The following EIF2D variants were observed in gnomAD, a reference collection of about 807,000 sequenced individuals.
EIF2D encodes the protein eukaryotic translation initiation factor 2D, also known as hepatocellular carcinoma-associated antigen 56.
Under a neutral mutation model 77.4 loss-of-function variants are expected in EIF2D, and 56 were observed. The ratio of observed to expected loss-of-function variants is 0.72; its 90% confidence interval spans 0.58 to 0.90. EIF2D has a LOEUF of 0.90. EIF2D is among the 40% of genes least tolerant of loss of function. The pLI, the probability that EIF2D is intolerant of heterozygous loss-of-function variation, is 0.00. For missense variants in EIF2D, 574 were observed against 706.5 expected (o/e 0.81, Z 2.13); for synonymous variants, 230 against 271.0 (o/e 0.85, Z 1.49).
chr1:206,596,969 T>C (rs1427669189), intron 12 of EIF2D, 131 bp downstream of exon 12: 3 of 683,402 alleles, frequency 4.4e-6, no homozygotes, highest in South Asian at 1.9e-5. Context: ...CCTGTGTTTA[T>C]GTAGACTGAC....
chr1:206,588,759 T>G (rs1483752288), downstream of EIF2D: 1 of 152,784 alleles, frequency 6.5e-6, no homozygotes, highest in African/African-American at 2.4e-5. Flanking sequence ...AGCCATCTCA[T>G]GCTCAGCCTT....
At chr1:206,570,128 G>A (rs924401968), downstream of EIF2D, among the ~76,000 whole-genome samples, 11 of 129,872 alleles carry the variant, frequency 8.5e-5, no homozygotes, top group Admixed American at 3.6e-4. Flanking sequence ...TCTCAAATCT[G>A]TCACCCAGGC....
chr1:206,603,086 G>A lies in EIF2D; in HGVS notation c.649C>T (p.His217Tyr), dbSNP rs1670008908. 1.2e-6 allele frequency: 2 copies of A among 1,614,050 alleles called. No homozygotes were observed. Among genetic ancestry groups the A allele is most frequent in the African/African-American group, 1.3e-5 (1 of 74,908 alleles). The change falls in exon 6 of 15, where the codon CAC becomes TAC. Residue 217 changes from histidine (H) to tyrosine (Y), a missense_variant. Physicochemically the swap from His to Tyr is moderately conservative, Grantham distance 83. Transcript: ENST00000271764. ...MDSTLQGDMRHMTLEGEEENG... is the reference protein window; with the variant it reads ...MDSTLQGDMRYMTLEGEEENG... Reference sequence around the variant, plus strand: ...TCCTCTTCCCCCTCCAGGGTCATGTGCCTCATGTCTCCCTGCAGGGTGGAG... The same window carrying A: ...TCCTCTTCCCCCTCCAGGGTCATGTACCTCATGTCTCCCTGCAGGGTGGAG...
intron 4 of EIF2D, among the ~76,000 whole-genome samples, chr1:206,607,768 T>C (rs1410039193): frequency 4.6e-5 from 7 of 152,274 alleles, no homozygotes; most frequent in South Asian, 2.1e-4. Flanking sequence ...GTATTTTACA[T>C]TGGATACGTG....
intron 11 of EIF2D, 58 bp from the exon 12 acceptor site, chr1:206,597,253 G>C (rs1048191052): frequency 7.0e-6 from 9 of 1,293,956 alleles, no homozygotes; most frequent in South Asian, 1.2e-5. Context: ...TGACCTGAAG[G>C]CTAATTCAGG....
In EIF2D at chr1:206,584,118, G is replaced by A. The variant is rs1261148708; in HGVS notation, c.139-2956C>T. The stretch of plus-strand genomic sequence containing the variant: ...CACTCACCAAAGGCAACTGGTTACA[G>A]GAGGTTTAGGGAGCTGGCCTGAGCC... On this transcript the variant is annotated intron_variant and NMD_transcript_variant, in intron 2 of 5. Coordinates refer to the EIF2D transcript ENST00000472709. The surrounding 1 kb of genome is among the most constrained non-coding windows in gnomAD (Gnocchi z 4.9). 2.6e-5 allele frequency among the ~76,000 whole-genome samples: 4 copies of A among 152,194 alleles called. No individual in the cohort carries two copies. Among genetic ancestry groups the A allele is most frequent in the African/African-American group, 9.7e-5 (4 of 41,444 alleles).
Position 206,600,261 on chromosome 1 carries a change from A to G in EIF2D, c.948+2T>C, listed in dbSNP as rs1553411032. 6.2e-7 allele frequency: 1 copy of G among 1,613,944 alleles called. No individual in the cohort carries two copies. Among genetic ancestry groups the G allele is most frequent in the Admixed American group, 1.7e-5 (1 of 60,002 alleles). ...GGGTCTGCAAAGAAGATCCTTGCTTACCTTTTTGTAGCTTGACTTCTTTAT... is the reference window on the plus strand; with the variant it reads ...GGGTCTGCAAAGAAGATCCTTGCTTGCCTTTTTGTAGCTTGACTTCTTTAT... On this transcript the variant is annotated splice_donor_variant, in intron 8 of 14. Transcript: ENST00000271764. LOFTEE classifies it high-confidence loss of function.
chr1:206,612,420 C>T lies in EIF2D; in HGVS notation c.-78G>A. The T allele has an allele frequency of 6.3e-7, 1 of 1,590,330 alleles. No individual in the cohort carries two copies. Among genetic ancestry groups the T allele is most frequent in the Non-Finnish European group, 8.6e-7 (1 of 1,159,294 alleles). ...AAGCGAGGGCGCAGCAGCTGCCAGGCCCTCAGCCGTGGGGGCAGCCATGCT... is the reference window on the plus strand; with the variant it reads ...AAGCGAGGGCGCAGCAGCTGCCAGGTCCTCAGCCGTGGGGGCAGCCATGCT... On this transcript the variant is annotated 5_prime_UTR_variant, in exon 1 of 15. Transcript: ENST00000271764.
intron 7 of EIF2D, chr1:206,601,800 C>T (rs2102291562): frequency 6.5e-6 from 1 of 153,390 alleles, no homozygotes; most frequent in African/African-American, 2.4e-5. Flanking sequence ...ACAGCTCTGT[C>T]TTCAAAATCC....
At chr1:206,611,756 TAG>T (rs1483042058) in intron 1 of EIF2D, among the ~76,000 whole-genome samples, 7 of 152,232 alleles carry the variant, frequency 4.6e-5, no homozygotes, top group Non-Finnish European at 7.3e-5. Flanking sequence ...ATGAGACCTA[TAG>T]ACAACTATAA....
Position 206,593,785 on chromosome 1 carries a change from C to A in EIF2D, c.1518G>T (p.Val506=), listed in dbSNP as rs1553409525. The part of the protein sequence containing the change: ...AQRASNKKVT[V]VRNLEAYGLD... ...GACCATAGGCCTCCAAGTTCCGGAC[C>A]ACGGTCACCTGGGGGGACAGTGGGG... Residue 506 remains valine (V), a synonymous_variant, in exon 14 of 15, where the codon GTG becomes GTT. Transcript: ENST00000271764. 3 of 1,599,654 alleles carry A rather than the reference C, an allele frequency of 1.9e-6. No homozygotes were observed. Among genetic ancestry groups the A allele is most frequent in the Non-Finnish European group, 2.6e-6 (3 of 1,169,418 alleles).
At chr1:206,591,555 C>T (rs1553408946), downstream of EIF2D, 6 of 580,656 alleles carry the variant, frequency 1.0e-5, no homozygotes, top group Admixed American at 3.0e-5. Context: ...TGGCAGCCAC[C>T]GTGACCTCTT....
intron 4 of EIF2D, among the ~76,000 whole-genome samples, chr1:206,574,027 C>A (rs1668545752): frequency 6.6e-6 from 1 of 152,210 alleles, no homozygotes; most frequent in Non-Finnish European, 1.5e-5. Flanking sequence ...GACCTTGAAC[C>A]CTTCAGGGCA....
intron 2 of EIF2D, chr1:206,583,557 T>C: frequency 1.7e-6 from 1 of 592,808 alleles, no homozygotes; most frequent in South Asian, 2.0e-5. Context: ...GTGGCCTCCA[T>C]GTGCTTTAGG....
At chr1:206,611,760 C>T (rs1670507614) in intron 1 of EIF2D, among the ~76,000 whole-genome samples, 1 of 152,216 alleles carries the variant, frequency 6.6e-6, no homozygotes, top group Non-Finnish European at 1.5e-5. Context: ...GACCTATAGA[C>T]AACTATAAAG....
rs1668777918 is a variant in EIF2D, at chr1:206,579,334, C to G, written c.*254+1358G>C. 6.6e-6 allele frequency among the ~76,000 whole-genome samples: 1 copy of G among 152,194 alleles called. No individual in the cohort carries two copies. Among genetic ancestry groups the G allele is most frequent in the South Asian group, 2.1e-4 (1 of 4,830 alleles). ...ATTTGTTAAATCATAACAGAGTTCCCTATTCTGTCTCTATCTTGGGCCACC... is the reference window on the plus strand; with the variant it reads ...ATTTGTTAAATCATAACAGAGTTCCGTATTCTGTCTCTATCTTGGGCCACC... On this transcript the variant is annotated intron_variant and NMD_transcript_variant, in intron 4 of 5. Transcript: ENST00000472709. The surrounding 1 kb of genome is among the most constrained non-coding windows in gnomAD (Gnocchi z 4.2).
intron 4 of EIF2D, among the ~76,000 whole-genome samples, chr1:206,578,511 A>C (rs1553405629): frequency 6.6e-6 from 1 of 152,200 alleles, no homozygotes; most frequent in African/African-American, 2.4e-5. Context: ...AGAGCTTGAC[A>C]AATAAAGTGA....
At chr1:206,569,320 T>G (rs1162612623), downstream of EIF2D, among the ~76,000 whole-genome samples, 1 of 152,218 alleles carries the variant, frequency 6.6e-6, no homozygotes, top group Non-Finnish European at 1.5e-5. Flanking sequence ...AATCAGGTTT[T>G]AGTGGCAACA....
At chr1:206,605,366 G>C (rs782264722) in intron 5 of EIF2D, 34 bp downstream of exon 5, 3 of 1,577,088 alleles carry the variant, frequency 1.9e-6, no homozygotes, top group Admixed American at 3.4e-5. Flanking sequence ...AGCTGCCCCG[G>C]TTCTCTGTAA....
Sources: allele counts gnomAD v4.1 joint callset (sites outside exome capture counted in the v4.1 genomes callset), GRCh38; gene constraint gnomAD v4.1.1; non-coding constraint Gnocchi (gnomAD v3.1); transcripts MANE v1.5; gene names NCBI Gene and HGNC (gene_info 2026-07-23, HGNC 2026-07-21).